Variants in EVI2B observed in about 807,000 individuals in gnomAD.
EVI2B encodes the protein protein EVI2B.
A neutral mutation model predicts 6.6 loss-of-function variants in EVI2B; 4 were observed. That is an observed-to-expected ratio of 0.61 (90% CI 0.30 to 1.39). The LOEUF (loss-of-function observed/expected upper bound fraction) is 1.39, where lower values mean the gene tolerates loss of function less well. Among genes scored for constraint, EVI2B ranks in the 40% most tolerant of loss-of-function variants. The pLI, the probability that EVI2B is intolerant of heterozygous loss-of-function variation, is 0.08. For synonymous variants in EVI2B, 181 were observed against 186.8 expected (o/e 0.97, Z 0.25); for missense variants, 484 against 516.6 (o/e 0.94, Z 0.61).
At position 31,305,451 on chromosome 17, in the gene EVI2B, C is replaced by A. The variant is rs1296010867; in HGVS notation, c.159G>T (p.Gly53=). 2 of 1,613,968 alleles carry A rather than the reference C, an allele frequency of 1.2e-6. No individual in the cohort carries two copies. Among genetic ancestry groups the A allele is most frequent in the Admixed American group, 3.3e-5 (2 of 59,984 alleles). The change falls in exon 2 of 2, where the codon GGG becomes GGT. Residue 53 remains glycine (G), a synonymous_variant. Transcript: ENST00000330927. Reference sequence around the variant, plus strand: ...ATTGTGTTGGTTGACCCAAAGGATTCCCTGTTGTGTTTTGAGAATTAGCCA... The same window carrying A: ...ATTGTGTTGGTTGACCCAAAGGATTACCTGTTGTGTTTTGAGAATTAGCCA... ...QVLANSQNTT[G]NPLGQPTQFS...
At position 31,304,612 on chromosome 17, in the gene EVI2B, G is replaced by GA. The variant is rs776102986; in HGVS notation, c.997dup (p.Ser333PhefsTer3). ...TGGTGGAGGCAGATCTGCATCATCT[G>GA]AAGAAGAAACAGCAGTTCCAACTGT... On this transcript the variant is annotated frameshift_variant, in exon 2 of 2. Transcript: ENST00000330927. LOFTEE classifies it low-confidence loss of function (END_TRUNC). 6 of 1,614,028 alleles carry GA rather than the reference G, an allele frequency of 3.7e-6. No homozygotes were observed. In the Admixed American group the frequency reaches 5.0e-5, roughly 13 times the overall value.
Position 31,304,599 on chromosome 17 carries a change from A to G in EVI2B, c.1011T>C (p.Asp337=). Residue 337 remains aspartate (D), a synonymous_variant, in exon 2 of 2, where the codon GAT becomes GAC. Coordinates refer to ENST00000330927, the MANE Select transcript of EVI2B (RefSeq NM_006495.4). ...GTAVSSSDDA[D]LPPPPPLLDL... ...CCAGAAGGGGAGGTGGTGGAGGCAG[A>G]TCTGCATCATCTGAAGAAGAAACAG... 2 of 1,614,170 alleles carry G rather than the reference A, an allele frequency of 1.2e-6. No individual in the cohort carries two copies. Among genetic ancestry groups the G allele is most frequent in the Non-Finnish European group, 1.7e-6 (2 of 1,180,024 alleles).
chr17:31,310,637 C>T (rs867804626), intron 1 of EVI2B, among the ~76,000 whole-genome samples: 39 of 151,264 alleles, frequency 2.6e-4, no homozygotes, highest in African/African-American at 8.7e-4. Context: ...CATCCTCTCC[C>T]TTTTTTTTTC....
intron 1 of EVI2B, among the ~76,000 whole-genome samples, chr17:31,312,851 A>G (rs1047947993): frequency 7.5e-6 from 1 of 133,872 alleles, no homozygotes; most frequent in Non-Finnish European, 1.7e-5. Flanking sequence ...TCTATGTAAA[A>G]TACTCTTTGC....
chr17:31,309,139 T>C (rs1193647369), intron 1 of EVI2B, among the ~76,000 whole-genome samples: 2 of 152,218 alleles, frequency 1.3e-5, no homozygotes, highest in Non-Finnish European at 2.9e-5. Flanking sequence ...AGTGACAGAT[T>C]GGGAGTTTGT....
rs2068656819 is a variant in EVI2B, at chr17:31,304,569, C to T, written c.1041G>A (p.Leu347=). The T allele has an allele frequency of 6.2e-7, 1 of 1,614,104 alleles. No individual in the cohort carries two copies. Among genetic ancestry groups the T allele is most frequent in the South Asian group, 1.1e-5 (1 of 91,076 alleles). ...CAGATTGGTTACTTTCCTGTCCTTCCAAATCCAGAAGGGGAGGTGGTGGAG... is the reference window on the plus strand; with the variant it reads ...CAGATTGGTTACTTTCCTGTCCTTCTAAATCCAGAAGGGGAGGTGGTGGAG... ...DLPPPPPLLD[L]EGQESNQSDK... Residue 347 remains leucine (L), a synonymous_variant, in exon 2 of 2, where the codon TTG becomes TTA. Coordinates refer to ENST00000330927, the MANE Select transcript of EVI2B (RefSeq NM_006495.4).
At chr17:31,313,953 A>T in intron 1 of EVI2B, 26 bp downstream of exon 1, 1 of 397,898 alleles carries the variant, frequency 2.5e-6, no homozygotes, top group Non-Finnish European at 4.4e-6. Context: ...GCAAGATCAA[A>T]CCAAATTGTG....
intron 1 of EVI2B, among the ~76,000 whole-genome samples, chr17:31,308,953 GAGAA>G: frequency 6.6e-6 from 1 of 152,262 alleles, no homozygotes; most frequent in Middle Eastern, 3.4e-3. Flanking sequence ...AGGCAGAAAG[GAGAA>G]AGAAAAATAC....
At chr17:31,312,534 A>G (rs1225174923) in intron 1 of EVI2B, among the ~76,000 whole-genome samples, 1 of 151,798 alleles carries the variant, frequency 6.6e-6, no homozygotes, top group Non-Finnish European at 1.5e-5. Flanking sequence ...AAAAAAAAAA[A>G]AGTATGGGAT....
At chr17:31,312,559 A>C (rs2068906269) in intron 1 of EVI2B, among the ~76,000 whole-genome samples, 1 of 151,988 alleles carries the variant, frequency 6.6e-6, no homozygotes, top group South Asian at 2.1e-4. Flanking sequence ...TGACAAAAAC[A>C]CACCATAAGG....
At chr17:31,307,521 C>A (rs1482866082) in intron 1 of EVI2B, among the ~76,000 whole-genome samples, 1 of 152,142 alleles carries the variant, frequency 6.6e-6, no homozygotes, top group African/African-American at 2.4e-5. Context: ...GCAGATAGGG[C>A]TTTTTCTGGG....
intron 1 of EVI2B, among the ~76,000 whole-genome samples, chr17:31,308,419 G>A (rs1296326973): frequency 2.0e-5 from 3 of 152,094 alleles, no homozygotes; most frequent in Non-Finnish European, 4.4e-5. Context: ...GGGATTACAG[G>A]CATGAGCCAC....
chr17:31,311,123 T>G (rs1198685868), intron 1 of EVI2B, among the ~76,000 whole-genome samples: 15 of 152,012 alleles, frequency 9.9e-5, no homozygotes, highest in Admixed American at 9.8e-4. Flanking sequence ...CAACTAATTT[T>G]TGTATTTTTT....
At position 31,305,637 on chromosome 17, in the gene EVI2B, C is replaced by T. The variant is rs753236143; in HGVS notation, c.-21-7G>A. 2.6e-5 allele frequency: 42 copies of T among 1,588,606 alleles called. No individual in the cohort carries two copies. The highest frequency in any genetic ancestry group is 3.4e-4 in the Middle Eastern group (2 of 5,844). On this transcript the variant is annotated splice_region_variant and splice_polypyrimidine_tract_variant and intron_variant, in intron 1 of 1. Coordinates refer to ENST00000330927, the MANE Select transcript of EVI2B (RefSeq NM_006495.4). ...CAGAATATTTCCTCGTTATCTATAGCGGGTTTATAATGAAAGAGAAAGACA... is the reference window on the plus strand; with the variant it reads ...CAGAATATTTCCTCGTTATCTATAGTGGGTTTATAATGAAAGAGAAAGACA...
intron 1 of EVI2B, 124 bp downstream of exon 1, chr17:31,313,855 C>A (rs1245224719): frequency 5.6e-6 from 2 of 355,908 alleles, no homozygotes; most frequent in East Asian, 4.1e-5. Context: ...TGCAACAAAA[C>A]CACAAAAACC....
At position 31,307,542 on chromosome 17, in the gene EVI2B, T is replaced by C. The variant is rs9912435; in HGVS notation, c.-21-1912A>G. Among the ~76,000 whole-genome samples the C allele has an allele frequency of 7.6e-3, 1,160 of 152,318 alleles. 18 individuals carry two copies. Among genetic ancestry groups the C allele is most frequent in the African/African-American group, 0.027 (1,117 of 41,570 alleles). The stretch of plus-strand genomic sequence containing the variant: ...AGGGCTTTTTCTGGGATGTGGTAGA[T>C]GCTAAAACTTGGAGAGTTAAGTTTC... On this transcript the variant is annotated intron_variant, in intron 1 of 1. Coordinates refer to ENST00000330927, the MANE Select transcript of EVI2B (RefSeq NM_006495.4).
chr17:31,305,238 A>G lies in EVI2B; in HGVS notation c.372T>C (p.Ser124=), dbSNP rs765186864. 1 of 1,614,204 alleles carries G rather than the reference A, an allele frequency of 6.2e-7. No individual in the cohort carries two copies. Among genetic ancestry groups the G allele is most frequent in the Non-Finnish European group, 8.5e-7 (1 of 1,180,020 alleles). The change falls in exon 2 of 2, where the codon TCT becomes TCC. Residue 124 remains serine, a synonymous_variant. Transcript: ENST00000330927. ...TACGGGCAGATGGTAGTTGTCTGGC[A>G]GAGGTGAACACGGCTTGCTGGGAGG... ...NTSSQQAVFT[S]ARQLPSARTS... is the part of the protein sequence containing the mutation.
At chr17:31,308,084 G>A (rs1434035418) in intron 1 of EVI2B, 2 of 331,212 alleles carry the variant, frequency 6.0e-6, no homozygotes, top group African/African-American at 4.3e-5. Flanking sequence ...AAGTGTGCAT[G>A]ATCAGGTTAC....
rs1324744861 is a variant in EVI2B at position 31,304,771 on chromosome 17, C to T, written c.839G>A (p.Ser280Asn). 1 of 1,613,942 alleles carries T rather than the reference C, an allele frequency of 6.2e-7. No individual in the cohort carries two copies. The highest frequency in any genetic ancestry group is 8.5e-7 in the Non-Finnish European group (1 of 1,180,010). ...ISLTPWKPSK[S>N]TLLADDLEIK... ...TTCTAAGTCATCTGCTAAAAGTGTGCTTTTGCTTGGTTTCCAGGGTGTAAG... is the reference window on the plus strand; with the variant it reads ...TTCTAAGTCATCTGCTAAAAGTGTGTTTTTGCTTGGTTTCCAGGGTGTAAG... The change falls in exon 2 of 2, where the codon AGC (serine) becomes AAC (asparagine). Residue 280 changes from serine (S) to asparagine (N), a missense_variant. By Grantham distance (46) the Ser-to-Asn change is conservative. Transcript: ENST00000330927.
Sources: allele counts gnomAD v4.1 joint callset (sites outside exome capture counted in the v4.1 genomes callset), GRCh38; gene constraint gnomAD v4.1.1; transcripts MANE v1.5; gene names NCBI Gene and HGNC (gene_info 2026-07-23, HGNC 2026-07-21).